TENM1: variants seen among roughly 807,000 people sequenced by gnomAD.
TENM1 encodes teneurin transmembrane protein 1.
Under a neutral mutation model 174.8 loss-of-function variants are expected in TENM1, and 35 were observed. The ratio of observed to expected loss-of-function variants is 0.20; its 90% CI spans 0.15 to 0.27. The LOEUF (loss-of-function observed/expected upper bound fraction) is 0.27, where lower values mean the gene tolerates loss of function less well. Among genes scored for constraint, TENM1 ranks in the 10% least tolerant of loss-of-function variants. The pLI is 1.00. For synonymous variants in TENM1, 781 were observed against 798.7 expected (o/e 0.98, Z 0.37); for missense variants, 1,633 against 2,130.1 (o/e 0.77, Z 4.59).
intron 3 of TENM1, among the ~76,000 whole-genome samples, chrX:124,859,737 G>A (rs1262148157): frequency 9.0e-6 from 1 of 111,148 alleles, no homozygotes; most frequent in Non-Finnish European, 1.9e-5. Context: ...AAGTGTTTAT[G>A]GTTTTCTTAT....
At chrX:124,942,231 T>A (rs778035782) in intron 1 of TENM1, among the ~76,000 whole-genome samples, 1 of 111,823 alleles carries the variant, frequency 8.9e-6, no homozygotes, top group African/African-American at 3.2e-5. Flanking sequence ...TTTAGAAAAT[T>A]TGGATATTTA....
At chrX:125,155,380 T>C in the TENM1 span, among the ~76,000 whole-genome samples, 2 of 112,040 alleles carry the variant, frequency 1.8e-5, no homozygotes, top group African/African-American at 3.2e-5. Context: ...AAGTCCCCAC[T>C]AGACTCAGGA....
intron 3 of TENM1, among the ~76,000 whole-genome samples, chrX:124,832,139 T>C (rs755344577): frequency 3.0e-4 from 34 of 111,894 alleles, no homozygotes; most frequent in African/African-American, 1.1e-3. Context: ...CCCCCTCTTT[T>C]AATGCAACTC....
chrX:125,139,823 A>AACACACACAC, the TENM1 span, among the ~76,000 whole-genome samples: 3 of 78,530 alleles, frequency 3.8e-5, no homozygotes. Context: ...AGCTGCCCTC[A>AACACACACAC]ACACACACAC....
intron 1 of TENM1, among the ~76,000 whole-genome samples, chrX:124,927,996 T>TG (rs1569483011): frequency 1.7e-3 from 1 of 590 alleles, no homozygotes; most frequent in Non-Finnish European, 0.019. Context: ...TGACAACCAG[T>TG]GTCATTTGAT....
the TENM1 span, among the ~76,000 whole-genome samples, chrX:125,143,628 A>G: frequency 3.6e-5 from 4 of 112,073 alleles, no homozygotes; most frequent in African/African-American, 1.3e-4. Context: ...ACTATTCTCT[A>G]CATAAAGCAA....
intron 22 of TENM1, among the ~76,000 whole-genome samples, chrX:124,465,542 G>A (rs943554726): frequency 5.4e-5 from 6 of 111,686 alleles, no homozygotes; most frequent in Non-Finnish European, 9.4e-5. Flanking sequence ...CTGAGCCACC[G>A]TGCCCCATCT....
the TENM1 span, among the ~76,000 whole-genome samples, chrX:124,978,147 T>C: frequency 9.0e-6 from 1 of 111,016 alleles, no homozygotes. Context: ...TCATTTAAAT[T>C]ATGATACTTT....
At chrX:124,472,274 C>T (rs1165822845) in intron 22 of TENM1, among the ~76,000 whole-genome samples, 3 of 100,390 alleles carry the variant, frequency 3.0e-5, no homozygotes, top group African/African-American at 1.1e-4. Context: ...TTAAACATCC[C>T]CTATTTTCTG....
chrX:125,042,557 G>A, the TENM1 span, among the ~76,000 whole-genome samples: 3 of 111,053 alleles, frequency 2.7e-5, no homozygotes, highest in African/African-American at 9.8e-5. Flanking sequence ...AAACTAATCA[G>A]GCAAAAATAT....
At chrX:124,689,252 T>A (rs1284534641) in intron 5 of TENM1, among the ~76,000 whole-genome samples, 11 of 112,074 alleles carry the variant, frequency 9.8e-5, no homozygotes, top group Non-Finnish European at 1.7e-4. Flanking sequence ...TTGGATTTTT[T>A]AAAAAATATT....
rs191723629 is a variant in TENM1, at chrX:124,734,412, C to T, written c.776+2545G>A. Among the ~76,000 whole-genome samples, 358 of 109,832 alleles carry T rather than the reference C, an allele frequency of 3.3e-3. 5 individuals carry two copies. The highest frequency in any genetic ancestry group is 0.011 in the African/African-American group (344 of 30,130). ...TTGTAGTGAGCCAAGATCTTGCCAC[C>T]GCACTCCAGCCTGGGCGACAGAAGG... On this transcript the variant is annotated intron_variant, in intron 4 of 31. Coordinates refer to ENST00000422452, the Ensembl canonical transcript of TENM1.
chrX:124,684,160 C>T lies in TENM1; in HGVS notation c.1016-12325G>A, dbSNP rs372085094. On this transcript the variant is annotated intron_variant, in intron 5 of 31. Coordinates refer to ENST00000422452, the Ensembl canonical transcript of TENM1. ...TTCAACCATAGTGGTAATTTTAAAACGCAAATTAGAGGAGTGATGTCAACA... is the reference window on the plus strand; with the variant it reads ...TTCAACCATAGTGGTAATTTTAAAATGCAAATTAGAGGAGTGATGTCAACA... 7.2e-5 allele frequency among the ~76,000 whole-genome samples: 8 copies of T among 111,314 alleles called. No individual in the cohort carries two copies. In the South Asian group the frequency reaches 1.5e-3, roughly 21 times the overall value.
chrX:124,914,584 A>T (rs1232707891), intron 1 of TENM1, among the ~76,000 whole-genome samples: 2 of 111,963 alleles, frequency 1.8e-5, no homozygotes, highest in African/African-American at 3.2e-5. Flanking sequence ...CTTCAAATTG[A>T]TCCTCCTTTA....
the TENM1 span, among the ~76,000 whole-genome samples, chrX:124,985,297 G>A: frequency 1.8e-5 from 2 of 112,192 alleles, no homozygotes; most frequent in East Asian, 2.8e-4. Flanking sequence ...GTGATGCAAA[G>A]CATACTCTTT....
the TENM1 span, among the ~76,000 whole-genome samples, chrX:125,157,022 T>C: frequency 8.0e-5 from 9 of 112,538 alleles, no homozygotes; most frequent in Middle Eastern, 4.6e-3. Context: ...CCTATCCTCA[T>C]GATGCATAGT....
the TENM1 span, among the ~76,000 whole-genome samples, chrX:125,074,986 A>T: frequency 9.0e-6 from 1 of 111,525 alleles, no homozygotes; most frequent in African/African-American, 3.3e-5. Flanking sequence ...AATATAACCA[A>T]CCCACTTAAA....
At chrX:124,599,320 G>A (rs2049977702) in intron 11 of TENM1, among the ~76,000 whole-genome samples, 2 of 111,502 alleles carry the variant, frequency 1.8e-5, no homozygotes, top group African/African-American at 6.5e-5. Context: ...GATGAGTTCA[G>A]CTTTAGACCT....
At chrX:124,891,976 T>A (rs1001217020) in intron 3 of TENM1, among the ~76,000 whole-genome samples, 4 of 112,147 alleles carry the variant, frequency 3.6e-5, no homozygotes, top group Non-Finnish European at 3.8e-5. Context: ...GCTTCCAGTC[T>A]AGTGCTTATT....
Sources: gnomAD v4.1 joint callset for allele counts (sites outside exome capture counted in the v4.1 genomes callset) on GRCh38, gnomAD v4.1.1 for gene constraint, MANE v1.5 for transcripts, NCBI Gene and HGNC (gene_info 2026-07-23, HGNC 2026-07-21) for gene names.